Variants in CRTC1 observed in about 807,000 individuals in gnomAD.
CRTC1 encodes the protein CREB-regulated transcription coactivator 1.
A neutral mutation model predicts 66.1 loss-of-function variants in CRTC1; 18 were observed. That is an observed-to-expected ratio of 0.27 (90% CI 0.19 to 0.40). The LOEUF (loss-of-function observed/expected upper bound fraction) is 0.40. CRTC1 is among the 10% of genes least tolerant of loss of function. The pLI is 1.00. For synonymous variants in CRTC1, 416 were observed against 398.8 expected, an observed-to-expected ratio of 1.04 and a Z score of -0.51; for missense variants, 669 against 887.9, an observed-to-expected ratio of 0.75 and a Z score of 3.13.
chr19:18,715,646 G>C (rs1470695624), intron 1 of CRTC1, among the ~76,000 whole-genome samples: 2 of 152,214 alleles, frequency 1.3e-5, no homozygotes, highest in East Asian at 1.9e-4. Flanking sequence ...CCCCGGGGAC[G>C]GGCCTGTCCT....
rs1050936622 is a variant in CRTC1, at chr19:18,760,612, G to A, written c.886+384G>A. Reference sequence around the variant, plus strand: ...CAGGCCTGACCTGCTTCCTCCACCCGACATCTGACAGTGACCACCTACTTG... The same window carrying A: ...CAGGCCTGACCTGCTTCCTCCACCCAACATCTGACAGTGACCACCTACTTG... On this transcript the variant is annotated intron_variant, in intron 8 of 13. Transcript: ENST00000321949. This position sits in a 1 kb window ranked among gnomAD's most constrained non-coding sequence, Gnocchi z 6.2. 4.0e-5 allele frequency among the ~76,000 whole-genome samples: 6 copies of A among 151,586 alleles called. No homozygotes were observed. The highest frequency in any genetic ancestry group is 6.6e-5 in the Admixed American group (1 of 15,242).
Position 18,768,871 on chromosome 19 carries a change from G to T in CRTC1, c.1320+78G>T, listed in dbSNP as rs1052926996. ...AGCCCGGGGGCTGCAGAACAGTCGG[G>T]TTACCTGCTGCATGGGCCAGGGGTC... On this transcript the variant is annotated intron_variant, in intron 10 of 13. Coordinates refer to ENST00000321949, the MANE Select transcript of CRTC1 (RefSeq NM_015321.3). This position sits in a 1 kb window ranked among gnomAD's most constrained non-coding sequence, Gnocchi z 5.6. 2.0e-6 allele frequency: 3 copies of T among 1,483,038 alleles called. No homozygotes were observed. The highest frequency in any genetic ancestry group is 2.7e-6 in the Non-Finnish European group (3 of 1,114,216). 91.9% of individuals were successfully genotyped at this position (1,483,038 alleles called of 1,614,324 possible). A position where few individuals can be genotyped will look rare whatever the true frequency, so the allele number is the denominator to read the frequency against.
At chr19:18,744,871 G>A (rs2054196141) in intron 2 of CRTC1, among the ~76,000 whole-genome samples, 1 of 152,166 alleles carries the variant, frequency 6.6e-6, no homozygotes, top group Non-Finnish European at 1.5e-5. Flanking sequence ...GGCCGAGGCT[G>A]GGACAAAGCA....
chr19:18,693,148 T>C (rs564492960), intron 1 of CRTC1, among the ~76,000 whole-genome samples: 11 of 151,846 alleles, frequency 7.2e-5, no homozygotes, highest in African/African-American at 2.7e-4. Context: ...CCTAGTATTT[T>C]GGGAGGCCGA....
At chr19:18,687,744 C>G (rs1188223160) in intron 1 of CRTC1, among the ~76,000 whole-genome samples, 1 of 152,094 alleles carries the variant, frequency 6.6e-6, no homozygotes, top group Non-Finnish European at 1.5e-5. Context: ...TGTCTTGCTG[C>G]CGTGGAAGGC....
At chr19:18,747,158 A>G (rs1417269378) in intron 4 of CRTC1, 44 bp downstream of exon 4, 12 of 1,156,828 alleles carry the variant, frequency 1.0e-5, no homozygotes, top group Admixed American at 2.2e-5. Context: ...CTTGTTGGAA[A>G]CAAAACCAAA....
intron 1 of CRTC1, among the ~76,000 whole-genome samples, chr19:18,692,293 C>A (rs1394397960): frequency 3.3e-5 from 5 of 152,210 alleles, no homozygotes; most frequent in African/African-American, 9.7e-5. Context: ...ATGTGAAGTC[C>A]ACAAGGTTAC....
intron 6 of CRTC1, among the ~76,000 whole-genome samples, chr19:18,758,205 C>G (rs1199454774): frequency 7.0e-6 from 1 of 143,856 alleles, no homozygotes; most frequent in Non-Finnish European, 1.5e-5. Context: ...ACTAAAAATA[C>G]AAAAATTAGC....
At chr19:18,715,514 G>C (rs1354446299) in intron 1 of CRTC1, among the ~76,000 whole-genome samples, 1 of 152,282 alleles carries the variant, frequency 6.6e-6, no homozygotes, top group East Asian at 1.9e-4. Flanking sequence ...TCCCATTCCA[G>C]GTGCCAGGGG....
intron 8 of CRTC1, among the ~76,000 whole-genome samples, chr19:18,763,640 C>A (rs1568534178): frequency 6.6e-6 from 1 of 152,274 alleles, no homozygotes; most frequent in Non-Finnish European, 1.5e-5. Context: ...CCGTAGAACA[C>A]CAGATTTCTG....
intron 1 of CRTC1, among the ~76,000 whole-genome samples, chr19:18,709,865 C>A (rs1405002327): frequency 6.6e-6 from 1 of 152,198 alleles, no homozygotes; most frequent in Non-Finnish European, 1.5e-5. Flanking sequence ...CCTGCCCTGG[C>A]CCATCAGTCC....
intron 10 of CRTC1, among the ~76,000 whole-genome samples, chr19:18,770,787 AAT>A (rs1441298301): frequency 4.8e-5 from 7 of 147,286 alleles, no homozygotes; most frequent in East Asian, 2.0e-4. Flanking sequence ...TTGGTGTGTG[AAT>A]ATATGTGTGT....
intron 1 of CRTC1, among the ~76,000 whole-genome samples, chr19:18,739,172 G>A (rs1407990675): frequency 6.6e-6 from 1 of 152,262 alleles, no homozygotes; most frequent in Non-Finnish European, 1.5e-5. Context: ...CCAGGCCTCA[G>A]CTGTTTCACC....
rs568098313 is a variant in CRTC1 at position 18,741,100 on chromosome 19, G to A, written c.127-1810G>A. On this transcript the variant is annotated intron_variant, in intron 1 of 13. Coordinates refer to ENST00000321949, the MANE Select transcript of CRTC1 (RefSeq NM_015321.3). The surrounding 1 kb of genome is among the most constrained non-coding windows in gnomAD (Gnocchi z 4.2). The stretch of plus-strand genomic sequence containing the variant: ...CCAGGGGCTGTGCTCCGAAGCCTGA[G>A]TGCCTCCAGCAAAGTGGACAGGAGC... 1.3e-5 allele frequency among the ~76,000 whole-genome samples: 2 copies of A among 152,248 alleles called. No homozygotes were observed. The highest frequency in any genetic ancestry group is 1.3e-4 in the Admixed American group (2 of 15,288).
chr19:18,736,991 T>C (rs991962209), intron 1 of CRTC1, among the ~76,000 whole-genome samples: 1 of 152,060 alleles, frequency 6.6e-6, no homozygotes, highest in Non-Finnish European at 1.5e-5. Context: ...TGCCCGAACA[T>C]CTCTCCACAT....
chr19:18,692,173 C>T (rs2052858332), intron 1 of CRTC1, among the ~76,000 whole-genome samples: 1 of 151,376 alleles, frequency 6.6e-6, no homozygotes, highest in Non-Finnish European at 1.5e-5. Flanking sequence ...CTAAAAAGGG[C>T]TGAATGAAGG....
chr19:18,757,611 C>T (rs192318770), intron 6 of CRTC1, among the ~76,000 whole-genome samples: 1 of 152,310 alleles, frequency 6.6e-6, no homozygotes, highest in East Asian at 1.9e-4. Context: ...CCATGGCTCA[C>T]GCCTGTAATC....
intron 9 of CRTC1, among the ~76,000 whole-genome samples, chr19:18,767,425 C>G (rs993526598): frequency 6.6e-6 from 1 of 152,154 alleles, no homozygotes; most frequent in Non-Finnish European, 1.5e-5. Flanking sequence ...TCTCAAACTC[C>G]CAACCTCAAG....
intron 1 of CRTC1, among the ~76,000 whole-genome samples, chr19:18,721,211 T>TG (rs398034170): frequency 1.3e-5 from 2 of 151,470 alleles, no homozygotes; most frequent in African/African-American, 4.9e-5. Context: ...TTTTTTTTTT[T>TG]GAGACGGAGT....
Sources: gnomAD v4.1 joint callset for allele counts (sites outside exome capture counted in the v4.1 genomes callset) on GRCh38, gnomAD v4.1.1 for gene constraint, Gnocchi (gnomAD v3.1) non-coding constraint, MANE v1.5 for transcripts, NCBI Gene and HGNC (gene_info 2026-07-23, HGNC 2026-07-21) for gene names.